Variants in MYZAP observed in about 807,000 individuals in gnomAD.
The protein encoded by MYZAP is myocardial zonula adherens protein, also known as GRINL1A complex locus upstream.
In MYZAP, 66 loss-of-function variants were observed where a neutral mutation model predicts 69.4. That is an observed-to-expected ratio of 0.95 (90% CI 0.78 to 1.17). The LOEUF (loss-of-function observed/expected upper bound fraction) is 1.17. Among genes scored for constraint, MYZAP ranks in the 50% most tolerant of loss-of-function variants. MYZAP has a pLI of 0.00. For synonymous variants in MYZAP, 256 were observed against 205.9 expected, an observed-to-expected ratio of 1.24 and a Z score of -2.09; for missense variants, 611 against 556.2, an observed-to-expected ratio of 1.10 and a Z score of -0.99.
chr15:57,659,741 T>G (rs2038186951), intron 10 of MYZAP, among the ~76,000 whole-genome samples: 1 of 152,206 alleles, frequency 6.6e-6, no homozygotes, highest in Non-Finnish European at 1.5e-5. Flanking sequence ...GTTCTCAGAT[T>G]TTAGGGTTCA....
intron 12 of MYZAP, among the ~76,000 whole-genome samples, chr15:57,682,296 A>G (rs2039484854): frequency 6.6e-6 from 1 of 152,160 alleles, no homozygotes; most frequent in Non-Finnish European, 1.5e-5. Context: ...GAAGTAGTAG[A>G]AGTCATTTCT....
intron 1 of MYZAP, among the ~76,000 whole-genome samples, chr15:57,594,185 G>A (rs575142585): frequency 6.6e-6 from 1 of 152,250 alleles, no homozygotes; most frequent in African/African-American, 2.4e-5. Flanking sequence ...GCACGATCTC[G>A]GCTCACTGCA....
Position 57,629,848 on chromosome 15 carries a change from A to T in MYZAP, c.672A>T (p.Lys224Asn). The T allele has an allele frequency of 6.2e-7, 1 of 1,613,410 alleles. No homozygotes were observed. Among genetic ancestry groups the T allele is most frequent in the Non-Finnish European group, 8.5e-7 (1 of 1,179,862 alleles). The change falls in exon 6 of 13, where the codon AAA becomes AAT. Residue 224 changes from lysine (K) to asparagine (N), a missense_variant. By Grantham distance (94) the Lys-to-Asn change is moderately conservative. Transcript: ENST00000267853. The stretch of plus-strand genomic sequence containing the variant: ...CGCAAGTTGAAAACCAGCTGCTAAA[A>T]ATGAAGGTGGAGTATAAAAGCCTAG... ...EVAQVENQLL[K>N]MKVESSQEAN...
At chr15:57,595,159 T>A (rs775289242) in intron 1 of MYZAP, among the ~76,000 whole-genome samples, 1 of 152,192 alleles carries the variant, frequency 6.6e-6, no homozygotes, top group Non-Finnish European at 1.5e-5. Context: ...ACCTGCAATT[T>A]GTATTTCCTT....
chr15:57,641,931 A>C (rs2037184182), intron 10 of MYZAP, among the ~76,000 whole-genome samples: 1 of 152,236 alleles, frequency 6.6e-6, no homozygotes, highest in South Asian at 2.1e-4. Flanking sequence ...GACATGCCCA[A>C]GGAGAGATGG....
intron 1 of MYZAP, among the ~76,000 whole-genome samples, chr15:57,593,215 C>CACACACACACACACACACACACA (rs1358695314): frequency 7.0e-6 from 1 of 142,000 alleles, no homozygotes; most frequent in African/African-American, 3.0e-5. Flanking sequence ...CACACACACA[C>CACACACACACACACACACACACA]CCCAGAATCC....
At chr15:57,610,565 G>A (rs1237748673) in intron 2 of MYZAP, among the ~76,000 whole-genome samples, 1 of 152,220 alleles carries the variant, frequency 6.6e-6, no homozygotes, top group Non-Finnish European at 1.5e-5. Context: ...AACCCCTGTG[G>A]TGGTTGGGCC....
At chr15:57,594,139 G>A (rs2033901964) in intron 1 of MYZAP, among the ~76,000 whole-genome samples, 1 of 152,150 alleles carries the variant, frequency 6.6e-6, no homozygotes, top group African/African-American at 2.4e-5. Context: ...TTTTTGAGAT[G>A]GAGTCTCACT....
Position 57,614,328 on chromosome 15 carries a change from A to G in MYZAP, c.163-3705A>G, listed in dbSNP as rs190660196. 3.1e-3 allele frequency among the ~76,000 whole-genome samples: 470 copies of G among 152,336 alleles called. 1 individual carries two copies. The highest frequency in any genetic ancestry group is 4.8e-3 in the Non-Finnish European group (328 of 68,032). On this transcript the variant is annotated intron_variant, in intron 2 of 12. Transcript: ENST00000267853. The stretch of plus-strand genomic sequence containing the variant: ...CAAAGTAGGCCCTGGACTTGCTGCA[A>G]TTTACAGTTGATAGGGAAGCAGGGC...
chr15:57,617,999 A>G, intron 2 of MYZAP, 34 bp from the exon 3 acceptor site: 2 of 1,603,052 alleles, frequency 1.2e-6, no homozygotes, highest in African/African-American at 2.7e-5. Context: ...CTAAAGAGTC[A>G]TTATTCTTTT....
At chr15:57,597,068 G>A (rs1268911180) in intron 1 of MYZAP, among the ~76,000 whole-genome samples, 1 of 152,234 alleles carries the variant, frequency 6.6e-6, no homozygotes. Context: ...AAAACAGGAA[G>A]AGAAGCCTTG....
chr15:57,616,199 A>C (rs558598538), intron 2 of MYZAP, among the ~76,000 whole-genome samples: 2 of 152,366 alleles, frequency 1.3e-5, no homozygotes, highest in African/African-American at 4.8e-5. Flanking sequence ...TTCAAATGCA[A>C]ATTAAAGTTT....
intron 10 of MYZAP, among the ~76,000 whole-genome samples, chr15:57,656,209 T>C (rs756884354): frequency 1.2e-4 from 18 of 152,202 alleles, no homozygotes; most frequent in Non-Finnish European, 1.5e-4. Context: ...TTGGCCCAAC[T>C]GGGCCTCCAA....
intron 2 of MYZAP, among the ~76,000 whole-genome samples, chr15:57,615,956 G>GAAAAA (rs2035409723): frequency 6.6e-6 from 1 of 151,460 alleles, no homozygotes. Context: ...TTGAAACGAA[G>GAAAAA]CAAAACAAAA....
rs750664245 is a variant in MYZAP, at chr15:57,632,574, G to T, written c.804+15G>T. The T allele has an allele frequency of 6.2e-7, 1 of 1,613,262 alleles. No individual in the cohort carries two copies. The highest frequency in any genetic ancestry group is 8.5e-7 in the Non-Finnish European group (1 of 1,179,782). ...AGGCTCTTTTGGTGTGTGTGTTGTA[G>T]CTGCCGATGTAAACTTACCGGGAAT... On this transcript the variant is annotated intron_variant, in intron 7 of 12. Transcript: ENST00000267853.
chr15:57,666,613 C>T (rs938900885), intron 11 of MYZAP, among the ~76,000 whole-genome samples: 1 of 152,110 alleles, frequency 6.6e-6, no homozygotes, highest in Non-Finnish European at 1.5e-5. Context: ...TGAGTGAGAA[C>T]ATGCGGTGTT....
At chr15:57,644,625 GTTATTA>G (rs1398304998) in intron 10 of MYZAP, among the ~76,000 whole-genome samples, 4 of 145,306 alleles carry the variant, frequency 2.8e-5, no homozygotes, top group African/African-American at 7.3e-5. Context: ...TTGTATTACT[GTTATTA>G]TTATTATTAT....
At chr15:57,597,396 G>A (rs1196186250) in intron 1 of MYZAP, among the ~76,000 whole-genome samples, 1 of 152,246 alleles carries the variant, frequency 6.6e-6, no homozygotes, top group Non-Finnish European at 1.5e-5. Context: ...CTAATGTGCA[G>A]CAAGGCTAAC....
chr15:57,631,731 T>C (rs2036518090), intron 6 of MYZAP, among the ~76,000 whole-genome samples: 1 of 152,218 alleles, frequency 6.6e-6, no homozygotes, highest in Non-Finnish European at 1.5e-5. Context: ...AATAACATCA[T>C]GTAACCTATT....
Sources: gnomAD v4.1 joint callset for allele counts (sites outside exome capture counted in the v4.1 genomes callset) on GRCh38, gnomAD v4.1.1 for gene constraint, MANE v1.5 for transcripts, NCBI Gene and HGNC (gene_info 2026-07-23, HGNC 2026-07-21) for gene names.